Variants in CCDC91 observed in about 807,000 individuals in gnomAD.
CCDC91 encodes the protein coiled-coil domain containing 91.
In CCDC91, 48 loss-of-function variants were observed where a neutral mutation model predicts 63.2. That is an observed-to-expected ratio of 0.76 (90% confidence interval 0.60 to 0.97). The LOEUF (loss-of-function observed/expected upper bound fraction) is 0.97, where lower values mean the gene tolerates loss of function less well. CCDC91 is among the 50% of genes least tolerant of loss of function. The pLI is 0.00. For synonymous variants in CCDC91, 167 were observed against 165.8 expected (o/e 1.01, Z -0.06); for missense variants, 500 against 494.6 (o/e 1.01, Z -0.10).
chr12:28,306,639 A>C, intron 4 of CCDC91, 103 bp from the exon 5 acceptor site: 1 of 757,396 alleles, frequency 1.3e-6, no homozygotes, highest in African/African-American at 1.8e-5. Flanking sequence ...CCTTTTCAAC[A>C]ACTTAATTTC....
chr12:28,340,971 G>A (rs1275521028), intron 6 of CCDC91, among the ~76,000 whole-genome samples: 2 of 152,138 alleles, frequency 1.3e-5, no homozygotes, highest in African/African-American at 2.4e-5. Context: ...AGATGGGGTA[G>A]CCAGAAGGGA....
chr12:28,530,144 A>G (rs777600755), intron 12 of CCDC91, among the ~76,000 whole-genome samples: 1 of 152,202 alleles, frequency 6.6e-6, no homozygotes, highest in Non-Finnish European at 1.5e-5. Context: ...TTATGCCTGT[A>G]TCAACAAACT....
intron 11 of CCDC91, among the ~76,000 whole-genome samples, chr12:28,478,610 A>G (rs1951256075): frequency 6.6e-6 from 1 of 152,214 alleles, no homozygotes; most frequent in Admixed American, 6.5e-5. Flanking sequence ...AAATTGACAG[A>G]TGGGATCTAA....
intron 11 of CCDC91, among the ~76,000 whole-genome samples, chr12:28,459,131 C>T (rs1950190889): frequency 6.6e-6 from 1 of 152,072 alleles, no homozygotes; most frequent in Non-Finnish European, 1.5e-5. Flanking sequence ...GTTCATACTG[C>T]ACCATCAGCC....
chr12:28,513,706 C>T (rs1231886015), intron 12 of CCDC91, among the ~76,000 whole-genome samples: 1 of 151,736 alleles, frequency 6.6e-6, no homozygotes, highest in Non-Finnish European at 1.5e-5. Context: ...ATTAAGAAAA[C>T]ATTTGTATTT....
intron 4 of CCDC91, 101 bp from the exon 5 acceptor site, chr12:28,306,641 C>G (rs1370048508): frequency 1.9e-5 from 15 of 771,368 alleles, no homozygotes; most frequent in Non-Finnish European, 2.8e-5. Context: ...TTTTCAACAA[C>G]TTAATTTCCA....
At chr12:28,348,260 G>A (rs568727576) in intron 6 of CCDC91, among the ~76,000 whole-genome samples, 1 of 152,328 alleles carries the variant, frequency 6.6e-6, no homozygotes, top group South Asian at 2.1e-4. Flanking sequence ...GGCCACCAGG[G>A]AATTTGCTCC....
intron 1 of CCDC91, among the ~76,000 whole-genome samples, chr12:28,207,176 G>A (rs1422323841): frequency 2.0e-5 from 3 of 152,124 alleles, no homozygotes; most frequent in African/African-American, 7.2e-5. Flanking sequence ...AAAGATAAGA[G>A]TCTAATGATA....
intron 11 of CCDC91, 26 bp from the exon 12 acceptor site, chr12:28,484,022 CCTGA>C (rs1951585496): frequency 2.9e-6 from 4 of 1,381,242 alleles, no homozygotes; most frequent in Non-Finnish European, 4.1e-6. Flanking sequence ...TGCTCACCTC[CCTGA>C]CTGTTTTGCC....
chr12:28,247,149 G>A (rs1447944931), intron 1 of CCDC91, among the ~76,000 whole-genome samples: 8 of 152,168 alleles, frequency 5.3e-5, no homozygotes, highest in Non-Finnish European at 1.0e-4. Flanking sequence ...GATGATAGAA[G>A]CAACTAGGTT....
chr12:28,461,996 T>G (rs1294152453), intron 11 of CCDC91, among the ~76,000 whole-genome samples: 7 of 151,974 alleles, frequency 4.6e-5, no homozygotes, highest in Non-Finnish European at 1.0e-4. Flanking sequence ...ATGCTGTAGT[T>G]TTCCAAACTG....
intron 6 of CCDC91, among the ~76,000 whole-genome samples, chr12:28,313,821 C>G (rs1939572126): frequency 6.6e-6 from 1 of 151,988 alleles, no homozygotes; most frequent in Non-Finnish European, 1.5e-5. Flanking sequence ...ATTTAAAGGA[C>G]TTTCACAAAA....
At chr12:28,346,497 A>G (rs1013247037) in intron 6 of CCDC91, among the ~76,000 whole-genome samples, 2 of 152,070 alleles carry the variant, frequency 1.3e-5, no homozygotes, top group Non-Finnish European at 2.9e-5. Flanking sequence ...ATATTTGTCT[A>G]TTGTCTAGAA....
Position 28,456,925 on chromosome 12 carries a change from T to C in CCDC91, c.1101+4271T>C, listed in dbSNP as rs202046438. On this transcript the variant is annotated intron_variant, in intron 11 of 12. Transcript: ENST00000536442. ...AGCCAAATAAATAAAAAGGAAATAA[T>C]TTCTAGATAGGGTTCTATGACATTC... 3.3e-5 allele frequency among the ~76,000 whole-genome samples: 5 copies of C among 152,128 alleles called. No individual in the cohort carries two copies. The East Asian group carries it at 5.8e-4, about 18-fold the overall frequency.
At chr12:28,473,738 C>G (rs1950938939) in intron 11 of CCDC91, among the ~76,000 whole-genome samples, 1 of 152,044 alleles carries the variant, frequency 6.6e-6, no homozygotes, top group South Asian at 2.1e-4. Flanking sequence ...AAATCATTTA[C>G]TTTGTTTTTT....
chr12:28,461,208 A>G (rs533631212), intron 11 of CCDC91, among the ~76,000 whole-genome samples: 21 of 152,222 alleles, frequency 1.4e-4, no homozygotes, highest in Admixed American at 9.2e-4. Flanking sequence ...CATATGGTCT[A>G]TGACTGTACA....
At chr12:28,365,941 C>T (rs911168850) in intron 7 of CCDC91, among the ~76,000 whole-genome samples, 11 of 152,122 alleles carry the variant, frequency 7.2e-5, no homozygotes, top group Non-Finnish European at 1.5e-4. Flanking sequence ...TAATCAATCA[C>T]TTTTTTCCTG....
intron 3 of CCDC91, among the ~76,000 whole-genome samples, chr12:28,267,850 TA>T (rs1430031891): frequency 0.01 from 129 of 12,612 alleles, 6 homozygotes; most frequent in African/African-American, 0.027. Flanking sequence ...TATAATTATA[TA>T]GTAATATATA....
intron 1 of CCDC91, among the ~76,000 whole-genome samples, chr12:28,205,789 A>G (rs766081935): frequency 7.2e-4 from 110 of 152,176 alleles, no homozygotes; most frequent in Non-Finnish European, 6.8e-4. Context: ...AGTCTTGTCA[A>G]CCTATTAAGT....
Sources: gnomAD v4.1 joint callset for allele counts (sites outside exome capture counted in the v4.1 genomes callset) on GRCh38, gnomAD v4.1.1 for gene constraint, MANE v1.5 for transcripts, NCBI Gene and HGNC (gene_info 2026-07-23, HGNC 2026-07-21) for gene names.